Variants in EHBP1 observed in about 807,000 individuals in gnomAD.
EHBP1 encodes EH domain binding protein 1, also known as EH domain-binding protein 1.
EHBP1 carries 55 observed loss-of-function variants against 144.0 expected under a neutral mutation model. The ratio of observed to expected loss-of-function variants is 0.38; its 90% confidence interval spans 0.31 to 0.48. The LOEUF is 0.48. Among genes scored for constraint, EHBP1 ranks in the 20% least tolerant of loss-of-function variants. The pLI, the probability that EHBP1 is intolerant of heterozygous loss-of-function variation, is 0.98. For missense variants in EHBP1, 1,200 were observed against 1,364.2 expected (o/e 0.88, Z 1.90); for synonymous variants, 469 against 472.7 (o/e 0.99, Z 0.10).
intron 14 of EHBP1, among the ~76,000 whole-genome samples, chr2:62,975,717 C>T (rs925211214): frequency 6.6e-6 from 1 of 151,756 alleles, no homozygotes; most frequent in African/African-American, 2.4e-5. Flanking sequence ...GACCCTGTCT[C>T]TACAAAAATT....
chr2:62,910,685 C>G (rs2054150912), intron 10 of EHBP1, among the ~76,000 whole-genome samples: 1 of 151,980 alleles, frequency 6.6e-6, no homozygotes, highest in East Asian at 1.9e-4. Flanking sequence ...CCTTTTTGGA[C>G]AAGTCATTGA....
intron 2 of EHBP1, among the ~76,000 whole-genome samples, chr2:62,716,050 T>G (rs1321270847): frequency 6.6e-6 from 1 of 152,198 alleles, no homozygotes; most frequent in East Asian, 1.9e-4. Context: ...ACTCCTACTC[T>G]TTCATTCTGA....
At chr2:62,840,005 A>T (rs2047665357) in intron 7 of EHBP1, among the ~76,000 whole-genome samples, 2 of 152,180 alleles carry the variant, frequency 1.3e-5, no homozygotes, top group Non-Finnish European at 2.9e-5. Context: ...GTTCATATGG[A>T]ACCAAAAAAG....
At chr2:62,675,408 T>A (rs1328886315) in intron 1 of EHBP1, among the ~76,000 whole-genome samples, 2 of 152,192 alleles carry the variant, frequency 1.3e-5, no homozygotes, top group African/African-American at 4.8e-5. Context: ...TGAGGTACTC[T>A]AGAAAGTCCT....
At chr2:62,673,988 C>G (rs530063815) in exon 1 of EHBP1, 1 of 470,358 alleles carries the variant, frequency 2.1e-6, no homozygotes, top group South Asian at 1.6e-5. Flanking sequence ...TTAGCATGCC[C>G]CTGTAGCAGC....
chr2:62,866,302 C>G (rs2050031999), intron 9 of EHBP1, among the ~76,000 whole-genome samples: 1 of 152,080 alleles, frequency 6.6e-6, no homozygotes, highest in Admixed American at 6.5e-5. Context: ...TAATCAATAC[C>G]AAAAACTCCA....
intron 19 of EHBP1, among the ~76,000 whole-genome samples, chr2:63,030,403 A>G (rs2061184504): frequency 6.6e-6 from 1 of 151,786 alleles, no homozygotes; most frequent in East Asian, 2.0e-4. Flanking sequence ...AGCTATATAT[A>G]TATATACACA....
chr2:62,941,455 T>A (rs2056752001), intron 10 of EHBP1, among the ~76,000 whole-genome samples: 1 of 152,168 alleles, frequency 6.6e-6, no homozygotes, highest in South Asian at 2.1e-4. Flanking sequence ...AACAGTATTT[T>A]GCTAGATTTA....
intron 9 of EHBP1, among the ~76,000 whole-genome samples, chr2:62,870,976 A>T (rs2050435664): frequency 6.6e-6 from 1 of 151,952 alleles, no homozygotes; most frequent in East Asian, 1.9e-4. Context: ...CTAAACCCAA[A>T]CCCAGGTTGA....
intron 10 of EHBP1, among the ~76,000 whole-genome samples, chr2:62,882,764 C>A (rs2152880268): frequency 6.6e-6 from 1 of 152,232 alleles, no homozygotes; most frequent in South Asian, 2.1e-4. Flanking sequence ...TGCCTGTAAT[C>A]CCAGCTACTC....
intron 19 of EHBP1, among the ~76,000 whole-genome samples, chr2:63,010,614 CATTT>C (rs1325760552): frequency 4.0e-5 from 6 of 151,468 alleles, no homozygotes; most frequent in Non-Finnish European, 7.4e-5. Flanking sequence ...AATTGTAAAA[CATTT>C]ATTTAGGAAA....
At chr2:62,719,851 T>C (rs1401895534) in intron 2 of EHBP1, among the ~76,000 whole-genome samples, 1 of 152,210 alleles carries the variant, frequency 6.6e-6, no homozygotes, top group African/African-American at 2.4e-5. Flanking sequence ...CAGATTTTGG[T>C]ATCCTCAGGA....
chr2:62,993,832 T>A, intron 17 of EHBP1, 39 bp from the exon 18 acceptor site: 1 of 1,465,340 alleles, frequency 6.8e-7, no homozygotes, highest in Non-Finnish European at 9.1e-7. Context: ...TATCAAGCTT[T>A]ACAATAATTT....
intron 19 of EHBP1, among the ~76,000 whole-genome samples, chr2:63,019,855 GGAAGGAAGGAAGGAA>G (rs2060643186): frequency 1.5e-5 from 2 of 133,804 alleles, no homozygotes; most frequent in African/African-American, 5.5e-5. Flanking sequence ...AAGGAAGGAA[GGAAGGAAGGAAGGAA>G]GGAAGGAAGG....
At chr2:62,735,210 A>G (rs897478284) in intron 2 of EHBP1, among the ~76,000 whole-genome samples, 2 of 152,090 alleles carry the variant, frequency 1.3e-5, no homozygotes, top group African/African-American at 4.8e-5. Flanking sequence ...TGTGGTTTTA[A>G]TTGAGCATTT....
At chr2:62,744,301 T>A (rs1038350745) in intron 2 of EHBP1, among the ~76,000 whole-genome samples, 12 of 152,128 alleles carry the variant, frequency 7.9e-5, no homozygotes, top group Admixed American at 2.0e-4. Context: ...TGACTTTTTT[T>A]ATAGGAAGTT....
intron 1 of EHBP1, among the ~76,000 whole-genome samples, chr2:62,699,764 G>A (rs529264893): frequency 6.6e-6 from 1 of 152,292 alleles, no homozygotes; most frequent in East Asian, 1.9e-4. Context: ...AGATTTCTAA[G>A]CTTCTAGTCA....
At chr2:63,004,216 A>G (rs557263385) in intron 19 of EHBP1, among the ~76,000 whole-genome samples, 18 of 152,148 alleles carry the variant, frequency 1.2e-4, no homozygotes, top group African/African-American at 2.9e-4. Context: ...TGGTGGATAC[A>G]TGGATTTTCT....
At chr2:62,879,033 A>C (rs903603749) in intron 10 of EHBP1, among the ~76,000 whole-genome samples, 6 of 151,764 alleles carry the variant, frequency 4.0e-5, no homozygotes, top group Non-Finnish European at 8.8e-5. Flanking sequence ...AAAAAAAAAC[A>C]AAAAACTACA....
Sources: gnomAD v4.1 joint callset for allele counts (sites outside exome capture counted in the v4.1 genomes callset) on GRCh38, gnomAD v4.1.1 for gene constraint, MANE v1.5 for transcripts, NCBI Gene and HGNC (gene_info 2026-07-23, HGNC 2026-07-21) for gene names.